The following IGSF21 variants were observed in gnomAD, a reference collection of about 807,000 sequenced individuals.
IGSF21 encodes the protein immunoglobin superfamily member 21.
A neutral mutation model predicts 46.8 loss-of-function variants in IGSF21; 28 were observed. That is an observed-to-expected ratio of 0.60 (90% CI 0.44 to 0.82). The LOEUF (loss-of-function observed/expected upper bound fraction) is 0.82, where lower values mean the gene tolerates loss of function less well. IGSF21 is among the 40% of genes least tolerant of loss of function. IGSF21 has a pLI of 0.00. For synonymous variants in IGSF21, 284 were observed against 273.6 expected (o/e 1.04, Z -0.38); for missense variants, 624 against 665.5 (o/e 0.94, Z 0.69).
At chr1:18,182,973 G>A (rs1479621110) in intron 1 of IGSF21, among the ~76,000 whole-genome samples, 2 of 152,168 alleles carry the variant, frequency 1.3e-5, no homozygotes, top group South Asian at 4.1e-4. Flanking sequence ...TCCAGCAGAC[G>A]CGACATCACC....
intron 4 of IGSF21, among the ~76,000 whole-genome samples, chr1:18,354,760 C>T (rs1024152903): frequency 6.6e-6 from 1 of 152,152 alleles, no homozygotes; most frequent in African/African-American, 2.4e-5. Flanking sequence ...AATGGTTACT[C>T]CTGGGAGGGA....
intron 1 of IGSF21, among the ~76,000 whole-genome samples, chr1:18,216,349 C>T (rs2084446240): frequency 6.6e-6 from 1 of 152,158 alleles, no homozygotes; most frequent in South Asian, 2.1e-4. Flanking sequence ...TCATAAGGGA[C>T]TCAGTTGGCC....
At chr1:18,291,345 A>G (rs934051184) in intron 2 of IGSF21, among the ~76,000 whole-genome samples, 2 of 152,124 alleles carry the variant, frequency 1.3e-5, no homozygotes, top group Non-Finnish European at 2.9e-5. Flanking sequence ...CCGTGCCGGG[A>G]TGTTGGATTC....
At chr1:18,329,085 G>A (rs1370665430) in intron 3 of IGSF21, among the ~76,000 whole-genome samples, 1 of 152,166 alleles carries the variant, frequency 6.6e-6, no homozygotes, top group Non-Finnish European at 1.5e-5. Flanking sequence ...CAAGAGTGAT[G>A]GAGGCAAATT....
rs192458342 is a variant in IGSF21 at position 18,164,475 on chromosome 1, T to C, written c.70+56277T>C. Among the ~76,000 whole-genome samples, 33 of 152,162 alleles carry C rather than the reference T, an allele frequency of 2.2e-4. No individual in the cohort carries two copies. The East Asian group carries it at 4.3e-3, about 20-fold the overall frequency. Reference sequence around the variant, plus strand: ...AATCGGATATTGATAAATTGCCCTCTACAGAGGTTGTACAATTTACGCTCC... The same window carrying C: ...AATCGGATATTGATAAATTGCCCTCCACAGAGGTTGTACAATTTACGCTCC... On this transcript the variant is annotated intron_variant, in intron 1 of 9. Transcript: ENST00000251296.
rs984833840 is a variant in IGSF21, at chr1:18,207,582, A to G, written c.71-20316A>G. Among the ~76,000 whole-genome samples, 10 of 152,338 alleles carry G rather than the reference A, an allele frequency of 6.6e-5. No homozygotes were observed. In the South Asian group the frequency reaches 1.9e-3, roughly 28 times the overall value. On this transcript the variant is annotated intron_variant, in intron 1 of 9. Transcript: ENST00000251296. ...TGCACTCCCTCAAAGAGCATTTATT[A>G]AGCACTTCTGCATTCCTAAAAGTGT... is the stretch of plus-strand genomic sequence containing the variant.
chr1:18,225,085 T>TCTCTCTCTCTCTCACACACACACA, intron 1 of IGSF21, among the ~76,000 whole-genome samples: 109 of 51,574 alleles, frequency 2.1e-3, no homozygotes, highest in African/African-American at 5.2e-3. Flanking sequence ...TCTCTCTCTC[T>TCTCTCTCTCTCTCACACACACACA]CACACACACA....
intron 2 of IGSF21, among the ~76,000 whole-genome samples, chr1:18,238,510 G>T (rs2124515687): frequency 6.6e-6 from 1 of 152,284 alleles, no homozygotes; most frequent in East Asian, 1.9e-4. Context: ...AGCGGTTTTT[G>T]ACCAAGCAAA....
At chr1:18,135,220 A>G (rs2086357930) in intron 1 of IGSF21, among the ~76,000 whole-genome samples, 1 of 152,144 alleles carries the variant, frequency 6.6e-6, no homozygotes, top group East Asian at 1.9e-4. Context: ...AACACCTGAG[A>G]CTGGGTAATT....
At chr1:18,320,314 G>C (rs533549927) in intron 3 of IGSF21, among the ~76,000 whole-genome samples, 1 of 150,740 alleles carries the variant, frequency 6.6e-6, no homozygotes, top group Non-Finnish European at 1.5e-5. Flanking sequence ...GACCTTCCCC[G>C]CCTTCAGCAC....
At chr1:18,187,422 C>T (rs1483034010) in intron 1 of IGSF21, among the ~76,000 whole-genome samples, 1 of 152,056 alleles carries the variant, frequency 6.6e-6, no homozygotes, top group Non-Finnish European at 1.5e-5. Context: ...GCTGGGGAGG[C>T]CTCATAATCA....
intron 2 of IGSF21, among the ~76,000 whole-genome samples, chr1:18,270,156 G>A (rs762051960): frequency 2.0e-5 from 3 of 152,158 alleles, no homozygotes; most frequent in Non-Finnish European, 4.4e-5. Flanking sequence ...CATTTCTTGT[G>A]GTTGAACTAC....
At chr1:18,172,223 T>C (rs1396074153) in intron 1 of IGSF21, among the ~76,000 whole-genome samples, 2 of 152,250 alleles carry the variant, frequency 1.3e-5, no homozygotes, top group Non-Finnish European at 2.9e-5. Context: ...AGTTTCCTGT[T>C]GATGTTTCCT....
intron 3 of IGSF21, among the ~76,000 whole-genome samples, chr1:18,303,066 G>T (rs1032016427): frequency 3.9e-5 from 6 of 152,108 alleles, no homozygotes; most frequent in Admixed American, 2.0e-4. Flanking sequence ...TTGGTGGGGG[G>T]CGTCTTGCCT....
chr1:18,131,083 G>A (rs1344606754), intron 1 of IGSF21, among the ~76,000 whole-genome samples: 6 of 152,248 alleles, frequency 3.9e-5, no homozygotes, highest in Admixed American at 3.9e-4. Flanking sequence ...CCAGGGAGGA[G>A]AGAATGGAGC....
chr1:18,266,061 G>T (rs1190314350), intron 2 of IGSF21, among the ~76,000 whole-genome samples: 2 of 152,120 alleles, frequency 1.3e-5, no homozygotes, highest in Non-Finnish European at 2.9e-5. Flanking sequence ...GAATGCCCCA[G>T]AAATTTACCC....
chr1:18,223,270 G>A (rs1479904909), intron 1 of IGSF21, among the ~76,000 whole-genome samples: 3 of 152,252 alleles, frequency 2.0e-5, no homozygotes, highest in East Asian at 3.9e-4. Flanking sequence ...ACCTGGCCCA[G>A]CTCCTGCACT....
At chr1:18,363,379 C>T (rs4920316) in intron 5 of IGSF21, among the ~76,000 whole-genome samples, 1 of 151,938 alleles carries the variant, frequency 6.6e-6, no homozygotes, top group Admixed American at 6.6e-5. Flanking sequence ...CCCTGCCTTG[C>T]GACCTGGGGC....
At chr1:18,326,213 G>A (rs1011790665) in intron 3 of IGSF21, among the ~76,000 whole-genome samples, 2 of 152,248 alleles carry the variant, frequency 1.3e-5, no homozygotes, top group African/African-American at 4.8e-5. Flanking sequence ...ATATCACAGG[G>A]CATGACCCTG....
Sources: allele counts gnomAD v4.1 joint callset (sites outside exome capture counted in the v4.1 genomes callset), GRCh38; gene constraint gnomAD v4.1.1; transcripts MANE v1.5; gene names NCBI Gene and HGNC (gene_info 2026-07-23, HGNC 2026-07-21).